MYO5B: variants seen among roughly 807,000 people sequenced by gnomAD.
The protein encoded by MYO5B is unconventional myosin-Vb.
MYO5B carries 143 observed loss-of-function variants against 229.3 expected under a neutral mutation model. The observed-to-expected ratio is 0.62, with a 90% confidence interval of 0.54 to 0.72. The LOEUF is 0.72. Among genes scored for constraint, MYO5B ranks in the 30% least tolerant of loss-of-function variants. The pLI is 0.00. For missense variants in MYO5B, 2,321 were observed against 2,331.0 expected (o/e 1.00, Z 0.09); for synonymous variants, 918 against 885.2 (o/e 1.04, Z -0.66).
At chr18:50,178,654 C>G (rs549186513) in intron 1 of MYO5B, among the ~76,000 whole-genome samples, 16 of 152,292 alleles carry the variant, frequency 1.1e-4, no homozygotes, top group African/African-American at 3.9e-4. Flanking sequence ...TACAGGCTAC[C>G]ATTCCAGGGC....
rs1387440491 is a variant in MYO5B at position 49,875,712 on chromosome 18, T to A, written c.3512A>T (p.Glu1171Val). 2 of 1,614,028 alleles carry A rather than the reference T, an allele frequency of 1.2e-6. No individual in the cohort carries two copies. Among genetic ancestry groups the A allele is most frequent in the Admixed American group, 1.7e-5 (1 of 60,002 alleles). The change falls in exon 26 of 40, where the codon GAA (glutamate) becomes GTA (valine). Residue 1171 changes from glutamate to valine, a missense_variant. Glu to Val is a moderately radical substitution (Grantham distance 121, BLOSUM62 -2). This residue lies in a region of MYO5B where 2,113 missense variants were observed against 2,044.7 expected (regional missense o/e 1.03). Coordinates refer to ENST00000285039, the MANE Select transcript of MYO5B (RefSeq NM_001080467.3). The stretch of plus-strand genomic sequence containing the variant: ...CTGGACTTTCTTGCTGTCCTGCTGT[T>A]CTCTCTTCTCCAGCTGCACTTGCAG... ...KKLQVQLEKREQQDSKKVQAE... is the reference protein window; with the variant it reads ...KKLQVQLEKRVQQDSKKVQAE...
At position 49,880,459 on chromosome 18, in the gene MYO5B, G is replaced by C. The variant is rs1232399463; in HGVS notation, c.3046-4C>G. On this transcript the variant is annotated splice_region_variant and splice_polypyrimidine_tract_variant and intron_variant, in intron 22 of 39. Transcript: ENST00000285039. The stretch of plus-strand genomic sequence containing the variant: ...CTTGCTCCAGGTCTGCAACTCGCTG[G>C]AAGAGAGCAATAGGGGAAAAATGTC... 2 of 1,613,046 alleles carry C rather than the reference G, an allele frequency of 1.2e-6. No homozygotes were observed. Among genetic ancestry groups the C allele is most frequent in the Non-Finnish European group, 1.7e-6 (2 of 1,179,018 alleles).
At chr18:50,166,955 A>G (rs2032861237) in intron 1 of MYO5B, among the ~76,000 whole-genome samples, 1 of 152,232 alleles carries the variant, frequency 6.6e-6, no homozygotes, top group African/African-American at 2.4e-5. Flanking sequence ...TTGAATGCAC[A>G]TACTGAATCA....
At chr18:50,086,007 T>C (rs192276962) in intron 1 of MYO5B, among the ~76,000 whole-genome samples, 8 of 152,216 alleles carry the variant, frequency 5.3e-5, no homozygotes, top group African/African-American at 1.9e-4. Context: ...GTGGCACATG[T>C]ATACATATGT....
At chr18:49,959,613 G>A (rs1047557239) in intron 12 of MYO5B, among the ~76,000 whole-genome samples, 2 of 152,154 alleles carry the variant, frequency 1.3e-5, no homozygotes, top group Admixed American at 1.3e-4. Context: ...AGGACACAGG[G>A]CAGAGCCTGC....
rs376074476 is a variant in MYO5B, at chr18:49,956,310, T to C, written c.1546-1875A>G. Among the ~76,000 whole-genome samples the C allele has an allele frequency of 5.1e-4, 78 of 152,348 alleles. 1 individual carries two copies. The South Asian group carries it at 0.011, about 22-fold the overall frequency. Reference sequence around the variant, plus strand: ...ACAATCATGTCAGCTAGGTGCTATGTTTGTAAACATTTTAGAGACAAGGAA... The same window carrying C: ...ACAATCATGTCAGCTAGGTGCTATGCTTGTAAACATTTTAGAGACAAGGAA... On this transcript the variant is annotated intron_variant, in intron 12 of 39. Transcript: ENST00000285039.
At chr18:49,988,869 G>A (rs2025899261) in intron 7 of MYO5B, among the ~76,000 whole-genome samples, 1 of 152,140 alleles carries the variant, frequency 6.6e-6, no homozygotes, top group South Asian at 2.1e-4. Context: ...CACACTCCTT[G>A]TCCTCAAGGA....
At chr18:49,974,761 C>A (rs1263874722) in intron 9 of MYO5B, 146 bp from the exon 10 acceptor site, 12 of 449,882 alleles carry the variant, frequency 2.7e-5, no homozygotes, top group Non-Finnish European at 4.2e-5. Context: ...TGCCCTGCTG[C>A]CAGCCCAGCA....
At chr18:49,908,249 C>T (rs192349824) in intron 18 of MYO5B, among the ~76,000 whole-genome samples, 327 of 152,320 alleles carry the variant, frequency 2.1e-3, no homozygotes, top group African/African-American at 7.3e-3. Flanking sequence ...CACCCATCAG[C>T]CTCATCTCCA....
chr18:50,141,881 G>T (rs965900757), intron 1 of MYO5B, among the ~76,000 whole-genome samples: 1 of 152,172 alleles, frequency 6.6e-6, no homozygotes, highest in African/African-American at 2.4e-5. Flanking sequence ...TCTCTCTAAA[G>T]GGGGTAAAGA....
chr18:50,104,647 T>G (rs952012617), intron 1 of MYO5B, among the ~76,000 whole-genome samples: 1 of 152,190 alleles, frequency 6.6e-6, no homozygotes, highest in African/African-American at 2.4e-5. Context: ...TAATGACTAA[T>G]GTACTTCATA....
intron 39 of MYO5B, 56 bp downstream of exon 39, chr18:49,835,288 T>A: frequency 1.5e-6 from 2 of 1,343,410 alleles, no homozygotes; most frequent in Non-Finnish European, 1.1e-6. Context: ...CCCAAATTTT[T>A]AATTTCCTTT....
intron 31 of MYO5B, among the ~76,000 whole-genome samples, chr18:49,852,699 C>T (rs895389996): frequency 6.6e-6 from 1 of 152,048 alleles, no homozygotes; most frequent in Admixed American, 6.6e-5. Context: ...TGTCTGGGTG[C>T]CTTGGTCCAT....
At chr18:50,158,960 T>C (rs1473866546) in intron 1 of MYO5B, among the ~76,000 whole-genome samples, 4 of 152,184 alleles carry the variant, frequency 2.6e-5, no homozygotes, top group African/African-American at 4.8e-5. Context: ...GCCGTTATCA[T>C]TATTAATGGA....
At chr18:49,865,307 T>TGG (rs1401790543) in intron 27 of MYO5B, among the ~76,000 whole-genome samples, 7 of 152,170 alleles carry the variant, frequency 4.6e-5, no homozygotes, top group Admixed American at 4.6e-4. Context: ...TCCTGACTCC[T>TGG]GGTCCAGGGC....
intron 31 of MYO5B, among the ~76,000 whole-genome samples, chr18:49,852,988 G>T (rs2024219015): frequency 6.6e-6 from 1 of 152,186 alleles, no homozygotes; most frequent in Non-Finnish European, 1.5e-5. Flanking sequence ...GGCTCCTTTG[G>T]TGACTGTCTG....
intron 1 of MYO5B, among the ~76,000 whole-genome samples, chr18:50,056,295 G>A (rs1028847765): frequency 4.6e-5 from 7 of 152,090 alleles, no homozygotes. Flanking sequence ...GAATCACCTG[G>A]GGAGCCTGGA....
chr18:49,863,109 AAAT>A, intron 29 of MYO5B, 115 bp downstream of exon 29: 1 of 807,798 alleles, frequency 1.2e-6, no homozygotes, highest in South Asian at 1.4e-5. Flanking sequence ...GTCCTCTAAT[AAAT>A]AATTCTCTGA....
At chr18:50,127,996 C>T (rs2032193277) in intron 1 of MYO5B, among the ~76,000 whole-genome samples, 1 of 152,206 alleles carries the variant, frequency 6.6e-6, no homozygotes, top group African/African-American at 2.4e-5. Flanking sequence ...GCTTTTGGAA[C>T]TTACACCACT....
Sources: allele counts gnomAD v4.1 joint callset (sites outside exome capture counted in the v4.1 genomes callset), GRCh38; gene constraint gnomAD v4.1.1; regional missense constraint gnomAD v4.1.1; transcripts MANE v1.5; gene names NCBI Gene and HGNC (gene_info 2026-07-23, HGNC 2026-07-21).